The following ATP11C variants were observed in gnomAD, a reference collection of about 807,000 sequenced individuals.
ATP11C encodes the protein phospholipid-transporting ATPase IG.
ATP11C carries 36 observed loss-of-function variants against 97.4 expected under a neutral mutation model. That is an observed-to-expected ratio of 0.37 (90% confidence interval 0.28 to 0.49). The LOEUF is 0.49. Among genes scored for constraint, ATP11C ranks in the 20% least tolerant of loss-of-function variants. ATP11C has a pLI of 0.98. For missense variants in ATP11C, 730 were observed against 824.6 expected (o/e 0.89, Z 1.40); for synonymous variants, 275 against 290.9 (o/e 0.95, Z 0.56).
At chrX:139,885,595 T>A (rs933996111) in intron 1 of ATP11C, 3 of 112,119 alleles carry the variant, frequency 2.7e-5, no homozygotes, top group African/African-American at 9.7e-5. Flanking sequence ...CTTTTATCCA[T>A]GATTTTTATC....
intron 18 of ATP11C, among the ~76,000 whole-genome samples, chrX:139,778,644 C>T (rs1478471112): frequency 9.0e-6 from 1 of 111,547 alleles, no homozygotes; most frequent in Non-Finnish European, 1.9e-5. Context: ...GCCTGGCCAA[C>T]ATGGTGAAAC....
chrX:139,828,583 G>A (rs1349878294), intron 1 of ATP11C, among the ~76,000 whole-genome samples: 2 of 111,722 alleles, frequency 1.8e-5, no homozygotes, highest in African/African-American at 6.5e-5. Context: ...AAAATGCCAA[G>A]TCCACGTATA....
At chrX:139,732,834 A>T in intron 28 of ATP11C, among the ~76,000 whole-genome samples, 1 of 111,350 alleles carries the variant, frequency 9.0e-6, no homozygotes, top group Non-Finnish European at 1.9e-5. Flanking sequence ...GCTTCTCGTT[A>T]AAATAAGACT....
chrX:139,799,772 C>G (rs1468937936), intron 8 of ATP11C, among the ~76,000 whole-genome samples: 1 of 105,748 alleles, frequency 9.5e-6, no homozygotes, highest in Non-Finnish European at 1.9e-5. Flanking sequence ...CCTGCCTCAG[C>G]CTCCTGAGTA....
chrX:139,927,211 G>A (rs971516748), intron 1 of ATP11C, among the ~76,000 whole-genome samples: 1 of 111,423 alleles, frequency 9.0e-6, no homozygotes, highest in Non-Finnish European at 1.9e-5. Flanking sequence ...GCTCATCTAC[G>A]ACCCCAGGAT....
At chrX:139,875,612 T>C (rs1306660339) in intron 1 of ATP11C, among the ~76,000 whole-genome samples, 1 of 109,642 alleles carries the variant, frequency 9.1e-6, no homozygotes, top group Admixed American at 9.8e-5. Context: ...AAATAAAAAA[T>C]AAAAAAACAA....
intron 1 of ATP11C, among the ~76,000 whole-genome samples, chrX:139,915,283 A>T (rs986559861): frequency 1.8e-5 from 2 of 112,020 alleles, no homozygotes; most frequent in African/African-American, 6.5e-5. Flanking sequence ...AAAAATAATA[A>T]CATTAAAAGT....
At chrX:139,820,935 G>C (rs931610521) in intron 2 of ATP11C, among the ~76,000 whole-genome samples, 3 of 110,992 alleles carry the variant, frequency 2.7e-5, no homozygotes, top group African/African-American at 9.8e-5. Context: ...GACCATGTGC[G>C]ATTTAGCATG....
chrX:139,789,597 G>A, intron 12 of ATP11C, 109 bp from the exon 13 acceptor site: 1 of 536,919 alleles, frequency 1.9e-6, no homozygotes, highest in Non-Finnish European at 2.9e-6. Context: ...CCCCTTCTAA[G>A]ACTTCTTGTC....
chrX:139,735,112 A>C (rs2081416692), intron 28 of ATP11C, among the ~76,000 whole-genome samples: 1 of 111,949 alleles, frequency 8.9e-6, no homozygotes. Flanking sequence ...CTAGGGCCAC[A>C]TCTGATTCAT....
rs2082616348 is a variant in ATP11C, at chrX:139,788,179, A to C, written c.1520+13T>G. 3.3e-5 allele frequency: 39 copies of C among 1,183,707 alleles called. No individual in the cohort carries two copies. Among genetic ancestry groups the C allele is most frequent in the Non-Finnish European group, 4.3e-5 (38 of 879,149 alleles). On this transcript the variant is annotated intron_variant, in intron 14 of 29. Coordinates refer to ENST00000682941, the MANE Select transcript of ATP11C (RefSeq NM_001353812.2). ...TCACTTTCTTAGGAGAAGTATAAGA[A>C]AGTATACTTTACCTTTTAGCTCCTT...
chrX:139,732,359 T>A, intron 28 of ATP11C: 1 of 271,543 alleles, frequency 3.7e-6, no homozygotes, highest in Non-Finnish European at 7.2e-6. Context: ...GAGAAGTAAT[T>A]TTTCATAAAG....
chrX:139,922,466 T>C (rs1288338017), intron 1 of ATP11C, among the ~76,000 whole-genome samples: 1 of 107,259 alleles, frequency 9.3e-6, no homozygotes, highest in Non-Finnish European at 1.9e-5. Context: ...TGCTGTGTCA[T>C]GGACAGGATG....
intron 1 of ATP11C, among the ~76,000 whole-genome samples, chrX:139,848,111 A>C (rs2083936359): frequency 9.0e-6 from 1 of 111,327 alleles, no homozygotes; most frequent in African/African-American, 3.3e-5. Flanking sequence ...TAGTTCTCAG[A>C]CTTCTTATCT....
At chrX:139,869,886 C>CAAAAAAAAA (rs59723137) in intron 1 of ATP11C, among the ~76,000 whole-genome samples, 2 of 42,251 alleles carry the variant, frequency 4.7e-5, no homozygotes, top group Non-Finnish European at 5.2e-5. Flanking sequence ...ACTAGACTGG[C>CAAAAAAAAA]AAAAAAAAAA....
At chrX:139,736,986 G>T (rs2148617211) in intron 28 of ATP11C, among the ~76,000 whole-genome samples, 1 of 111,247 alleles carries the variant, frequency 9.0e-6, no homozygotes, top group African/African-American at 3.3e-5. Flanking sequence ...ACAAAATCAT[G>T]ATGTAACAGT....
At chrX:139,800,014 C>T (rs1603374897) in intron 8 of ATP11C, 46 bp downstream of exon 8, 4 of 58,153 alleles carry the variant, frequency 6.9e-5, no homozygotes, top group South Asian at 6.2e-4. Flanking sequence ...GAAAAATAGA[C>T]CCCCCCCCCC....
At chrX:139,729,114 A>C (rs2081294374) in intron 29 of ATP11C, 152 bp from the exon 30 acceptor site, 1 of 415,621 alleles carries the variant, frequency 2.4e-6, no homozygotes, top group Non-Finnish European at 4.2e-6. Context: ...TGCAGGGGAA[A>C]AAAAGAGTGA....
intron 12 of ATP11C, among the ~76,000 whole-genome samples, chrX:139,795,399 G>A (rs2082772253): frequency 9.0e-6 from 1 of 111,477 alleles, no homozygotes; most frequent in African/African-American, 3.3e-5. Context: ...GTTTTGAGGT[G>A]TGAATGCAAA....
Sources: gnomAD v4.1 joint callset for allele counts (sites outside exome capture counted in the v4.1 genomes callset) on GRCh38, gnomAD v4.1.1 for gene constraint, MANE v1.5 for transcripts, NCBI Gene and HGNC (gene_info 2026-07-23, HGNC 2026-07-21) for gene names.